Variants in AGBL4 observed in about 807,000 individuals in gnomAD.
The protein encoded by AGBL4 is AGBL carboxypeptidase 4, also known as cytosolic carboxypeptidase 6.
In AGBL4, 58 loss-of-function variants were observed where a neutral mutation model predicts 66.4. That is an observed-to-expected ratio of 0.87 (90% CI 0.71 to 1.09). The LOEUF (loss-of-function observed/expected upper bound fraction) is 1.09. AGBL4 is among the 50% of genes least tolerant of loss of function. The pLI, the probability that AGBL4 is intolerant of heterozygous loss-of-function variation, is 0.00. For missense variants in AGBL4, 579 were observed against 631.0 expected (o/e 0.92, Z 0.88); for synonymous variants, 234 against 222.9 (o/e 1.05, Z -0.44).
chr1:49,086,860 C>T (rs1644916893), intron 4 of AGBL4, among the ~76,000 whole-genome samples: 1 of 152,048 alleles, frequency 6.6e-6, no homozygotes, highest in African/African-American at 2.4e-5. Flanking sequence ...TAGCCCCTGC[C>T]TGAGGGAGCC....
intron 1 of AGBL4, among the ~76,000 whole-genome samples, chr1:49,894,806 C>G (rs947137602): frequency 6.6e-6 from 1 of 152,040 alleles, no homozygotes; most frequent in African/African-American, 2.4e-5. Context: ...CTAAGATTTA[C>G]TGGCCTTAAA....
chr1:49,841,613 C>T (rs992532455), intron 2 of AGBL4, among the ~76,000 whole-genome samples: 9 of 151,912 alleles, frequency 5.9e-5, no homozygotes, highest in Non-Finnish European at 1.0e-4. Context: ...CTACAGTAAC[C>T]GAAACAGTAT....
chr1:48,819,832 C>T (rs1372080951), intron 6 of AGBL4, among the ~76,000 whole-genome samples: 1 of 152,136 alleles, frequency 6.6e-6, no homozygotes, highest in Non-Finnish European at 1.5e-5. Context: ...CCAGCTTTTG[C>T]TCACACACAT....
Position 49,051,571 on chromosome 1 carries a change from G to A in AGBL4, c.378-5771C>T, listed in dbSNP as rs892203831. Among the ~76,000 whole-genome samples, 10 of 152,196 alleles carry A rather than the reference G, an allele frequency of 6.6e-5. No individual in the cohort carries two copies. The South Asian group carries it at 1.9e-3, about 28-fold the overall frequency. On this transcript the variant is annotated intron_variant, in intron 4 of 13. Transcript: ENST00000371839. ...CATTTGTCATCTATGCCAACACATG[G>A]CCTTTAGTCTACATTTGGCTGGAAC... is the stretch of plus-strand genomic sequence containing the variant.
chr1:49,477,026 A>T (rs2148720556), intron 3 of AGBL4, among the ~76,000 whole-genome samples: 1 of 152,192 alleles, frequency 6.6e-6, no homozygotes, highest in African/African-American at 2.4e-5. Flanking sequence ...GCATCTCATG[A>T]TTTGAGTGTC....
chr1:48,812,802 C>A (rs1471696653), intron 6 of AGBL4, among the ~76,000 whole-genome samples: 2 of 152,062 alleles, frequency 1.3e-5, no homozygotes, highest in African/African-American at 4.8e-5. Context: ...GAGTTCATGT[C>A]CTTTGTAGGG....
At chr1:49,726,216 G>A (rs1002545287) in intron 2 of AGBL4, among the ~76,000 whole-genome samples, 1 of 152,110 alleles carries the variant, frequency 6.6e-6, no homozygotes, top group Non-Finnish European at 1.5e-5. Flanking sequence ...GGGAAAAAAT[G>A]TGTGCAAAAT....
At chr1:48,889,036 A>G (rs1650653726) in intron 5 of AGBL4, among the ~76,000 whole-genome samples, 1 of 152,248 alleles carries the variant, frequency 6.6e-6, no homozygotes, top group Admixed American at 6.5e-5. Flanking sequence ...TAAAGGAGCC[A>G]AAGAGAAGGA....
chr1:48,881,540 A>C (rs901864689), intron 5 of AGBL4, among the ~76,000 whole-genome samples: 2 of 152,156 alleles, frequency 1.3e-5, no homozygotes, highest in East Asian at 3.9e-4. Flanking sequence ...CACCAAATGA[A>C]ATGTTTTCCC....
intron 6 of AGBL4, among the ~76,000 whole-genome samples, chr1:48,769,018 G>A (rs1037292368): frequency 6.6e-6 from 1 of 152,134 alleles, no homozygotes; most frequent in Admixed American, 6.5e-5. Context: ...ACACCAAATC[G>A]AGGCCTGCCT....
intron 6 of AGBL4, among the ~76,000 whole-genome samples, chr1:48,851,411 A>G (rs998751134): frequency 6.6e-6 from 1 of 152,234 alleles, no homozygotes; most frequent in Non-Finnish European, 1.5e-5. Flanking sequence ...AGCTGAGGGA[A>G]CAAAACATAG....
intron 1 of AGBL4, 73 bp downstream of exon 1, chr1:50,023,690 G>C (rs1052258032): frequency 6.7e-7 from 1 of 1,491,452 alleles, no homozygotes; most frequent in African/African-American, 1.4e-5. Context: ...GACCATGCCC[G>C]AGTCCCCTGT....
chr1:49,727,608 TG>T (rs1482897048), intron 2 of AGBL4, among the ~76,000 whole-genome samples: 1 of 152,020 alleles, frequency 6.6e-6, no homozygotes, highest in African/African-American at 2.4e-5. Context: ...GCAGCTTAGG[TG>T]GAAACAATAT....
intron 4 of AGBL4, among the ~76,000 whole-genome samples, chr1:49,100,853 C>T (rs1272283487): frequency 1.3e-5 from 2 of 152,172 alleles, no homozygotes; most frequent in African/African-American, 4.8e-5. Flanking sequence ...AATTTATCTC[C>T]TTTCTTTCTA....
intron 11 of AGBL4, among the ~76,000 whole-genome samples, chr1:48,541,478 T>C (rs1393011167): frequency 6.6e-6 from 1 of 152,212 alleles, no homozygotes; most frequent in Non-Finnish European, 1.5e-5. Context: ...GTTGAATTAG[T>C]AAATAATAGC....
At chr1:48,797,785 G>A (rs2148738466) in intron 6 of AGBL4, among the ~76,000 whole-genome samples, 1 of 152,248 alleles carries the variant, frequency 6.6e-6, no homozygotes, top group South Asian at 2.1e-4. Flanking sequence ...GACCTCAAGT[G>A]ATATGCCCAC....
intron 1 of AGBL4, among the ~76,000 whole-genome samples, chr1:49,911,930 C>T (rs1010441908): frequency 6.6e-6 from 1 of 152,228 alleles, no homozygotes; most frequent in African/African-American, 2.4e-5. Context: ...CTCACAACTG[C>T]TTGCACAGGG....
intron 3 of AGBL4, among the ~76,000 whole-genome samples, chr1:49,602,087 A>G (rs146109933): frequency 1.3e-5 from 2 of 152,212 alleles, no homozygotes; most frequent in African/African-American, 2.4e-5. Context: ...GCCAACAAAC[A>G]TATGAAAAAA....
intron 4 of AGBL4, among the ~76,000 whole-genome samples, chr1:49,089,997 C>T (rs1644974571): frequency 6.6e-6 from 1 of 151,778 alleles, no homozygotes; most frequent in Admixed American, 6.6e-5. Context: ...AAAACTACAT[C>T]GTCTCAATAG....
Sources: allele counts gnomAD v4.1 joint callset (sites outside exome capture counted in the v4.1 genomes callset), GRCh38; gene constraint gnomAD v4.1.1; transcripts MANE v1.5; gene names NCBI Gene and HGNC (gene_info 2026-07-23, HGNC 2026-07-21).